Variants in ITGB3BP observed in about 807,000 individuals in gnomAD.
ITGB3BP encodes the protein centromere protein R.
A neutral mutation model predicts 29.1 loss-of-function variants in ITGB3BP; 27 were observed. The observed-to-expected ratio is 0.93, with a 90% CI of 0.68 to 1.28. The LOEUF is 1.28. ITGB3BP is among the 50% of genes most tolerant of loss of function. The pLI is 0.00. For synonymous variants in ITGB3BP, 61 were observed against 61.4 expected (o/e 0.99, Z 0.03); for missense variants, 192 against 200.2 (o/e 0.96, Z 0.25).
chr1:63,517,031 C>T lies in ITGB3BP; in HGVS notation c.5+6098G>A, dbSNP rs142225244. 5.1e-4 allele frequency among the ~76,000 whole-genome samples: 77 copies of T among 151,530 alleles called. No homozygotes were observed. In the East Asian group the frequency reaches 0.011, roughly 21 times the overall value. ...AATAAGTTAGGTATAAATGATCATA[C>T]TCAAAAAAAGAAAGTACAAAGAAGG... On this transcript the variant is annotated intron_variant, in intron 1 of 8. Transcript: ENST00000271002.
At chr1:63,482,425 A>G (rs1275770662) in intron 3 of ITGB3BP, among the ~76,000 whole-genome samples, 1 of 152,038 alleles carries the variant, frequency 6.6e-6, no homozygotes, top group African/African-American at 2.4e-5. Flanking sequence ...AAAAACCTTG[A>G]TCCACAGAGG....
chr1:63,455,009 AT>A (rs1031430067), intron 4 of ITGB3BP, 41 bp from the exon 5 acceptor site: 1 of 970,742 alleles, frequency 1.0e-6, no homozygotes, highest in Non-Finnish European at 1.6e-6. Context: ...AAGGGGAAGC[AT>A]TTAAACATGG....
intron 1 of ITGB3BP, among the ~76,000 whole-genome samples, chr1:63,520,246 A>G (rs1345625731): frequency 6.6e-6 from 1 of 152,138 alleles, no homozygotes; most frequent in Non-Finnish European, 1.5e-5. Context: ...TTGAGCAACT[A>G]TTTTATCAAT....
upstream of ITGB3BP, among the ~76,000 whole-genome samples, chr1:63,524,235 ACTT>A (rs975203599): frequency 8.5e-5 from 13 of 152,228 alleles, no homozygotes; most frequent in African/African-American, 3.1e-4. Context: ...ATTCTCCCTT[ACTT>A]CTTGAAACAG....
upstream of ITGB3BP, among the ~76,000 whole-genome samples, chr1:63,527,205 G>C (rs149406510): frequency 1.3e-5 from 2 of 152,258 alleles, no homozygotes; most frequent in African/African-American, 4.8e-5. Flanking sequence ...ATGGCATTTA[G>C]TTTGTGAATC....
chr1:63,453,250 A>T (rs1557609513), intron 7 of ITGB3BP, among the ~76,000 whole-genome samples: 1 of 152,228 alleles, frequency 6.6e-6, no homozygotes, highest in East Asian at 1.9e-4. Flanking sequence ...TCGGTATTTA[A>T]AAGTGGTAGG....
chr1:63,465,048 T>C (rs1458883534), intron 4 of ITGB3BP, among the ~76,000 whole-genome samples: 1 of 152,314 alleles, frequency 6.6e-6, no homozygotes, highest in Non-Finnish European at 1.5e-5. Flanking sequence ...ATTTGGACTA[T>C]ACACTAGATA....
chr1:63,528,314 G>C (rs1168123640), intron 2 of ITGB3BP, among the ~76,000 whole-genome samples: 2 of 152,182 alleles, frequency 1.3e-5, no homozygotes, highest in African/African-American at 2.4e-5. Context: ...ATCATGTTAA[G>C]TGAAATAAGC....
chr1:63,453,245 A>G (rs1045436130), intron 7 of ITGB3BP, among the ~76,000 whole-genome samples: 1 of 152,230 alleles, frequency 6.6e-6, no homozygotes, highest in Admixed American at 6.5e-5. Context: ...AGTCATCGGT[A>G]TTTAAAAGTG....
chr1:63,480,467 A>T (rs2100633903), intron 3 of ITGB3BP, among the ~76,000 whole-genome samples: 1 of 152,286 alleles, frequency 6.6e-6, no homozygotes, highest in Non-Finnish European at 1.5e-5. Context: ...TCTTAAATAT[A>T]CTGGCTTTTG....
intron 2 of ITGB3BP, among the ~76,000 whole-genome samples, chr1:63,498,327 T>C (rs1253246182): frequency 6.6e-6 from 1 of 152,082 alleles, no homozygotes; most frequent in Non-Finnish European, 1.5e-5. Flanking sequence ...TCTCAACACA[T>C]TTAAAAAGAG....
intron 4 of ITGB3BP, among the ~76,000 whole-genome samples, chr1:63,465,151 A>C (rs893072788): frequency 1.3e-5 from 2 of 152,204 alleles, no homozygotes; most frequent in African/African-American, 4.8e-5. Context: ...TGAAGGATTT[A>C]GCAGTAAAAA....
Position 63,478,655 on chromosome 1 carries a change from G to T in ITGB3BP, c.254+109C>A, listed in dbSNP as rs560415853. ...CTTAAGAAAGAATATTTCAGGTCAG[G>T]TATAAACTATTAATTTCTACAAATA... On this transcript the variant is annotated intron_variant, in intron 4 of 8. Transcript: ENST00000271002. 6.6e-4 allele frequency: 387 copies of T among 583,842 alleles called. No individual in the cohort carries two copies. The African/African-American group carries it at 7.1e-3, about 11-fold the overall frequency. 36.2% of individuals were successfully genotyped at this position (583,842 alleles called of 1,614,324 possible). A position where few individuals can be genotyped will look rare whatever the true frequency, so the allele number is the denominator to read the frequency against.
At chr1:63,524,390 A>G (rs1313101226), upstream of ITGB3BP, among the ~76,000 whole-genome samples, 2 of 152,182 alleles carry the variant, frequency 1.3e-5, no homozygotes, top group East Asian at 3.9e-4. Context: ...TGTAATATGA[A>G]AGTGTCAGGC....
Position 63,523,196 on chromosome 1 carries a change from GAAA to G in ITGB3BP, c.-66_-64del. 1.9e-6 allele frequency: 3 copies of G among 1,611,114 alleles called. No homozygotes were observed. Among genetic ancestry groups the G allele is most frequent in the Non-Finnish European group, 2.5e-6 (3 of 1,178,586 alleles). ...ACGAACCCAGCAACTTCCGAAAACA[GAAA>G]ATCCGCCAAAGGAAACGCCAAGGCA... On this transcript the variant is annotated 5_prime_UTR_variant, in exon 1 of 9. Transcript: ENST00000271002.
intron 1 of ITGB3BP, among the ~76,000 whole-genome samples, chr1:63,522,030 A>T (rs1646461526): frequency 6.6e-6 from 1 of 152,204 alleles, no homozygotes; most frequent in Non-Finnish European, 1.5e-5. Context: ...TGGGGAAAGG[A>T]AAACCTCCTC....
chr1:63,449,552 G>A (rs1455914978), intron 7 of ITGB3BP: 3 of 152,364 alleles, frequency 2.0e-5, no homozygotes, highest in Admixed American at 1.3e-4. Flanking sequence ...CCAAAACAAT[G>A]ACGAATCGTG....
intron 8 of ITGB3BP, chr1:63,442,730 C>G (rs1000802396): frequency 3.3e-5 from 5 of 152,138 alleles, no homozygotes; most frequent in Admixed American, 3.3e-4. Context: ...CTTGTTTGTA[C>G]TTGTTATTGG....
At chr1:63,463,376 A>G (rs1645050221) in intron 4 of ITGB3BP, among the ~76,000 whole-genome samples, 1 of 152,192 alleles carries the variant, frequency 6.6e-6, no homozygotes, top group Non-Finnish European at 1.5e-5. Context: ...ACAGAACTAA[A>G]TACACACACA....
Sources: allele counts gnomAD v4.1 joint callset (sites outside exome capture counted in the v4.1 genomes callset), GRCh38; gene constraint gnomAD v4.1.1; transcripts MANE v1.5; gene names NCBI Gene and HGNC (gene_info 2026-07-23, HGNC 2026-07-21).